RPA3: variants seen among roughly 807,000 people sequenced by gnomAD.
RPA3 encodes the protein replication protein A3.
In RPA3, 24 loss-of-function variants were observed where a neutral mutation model predicts 13.7. The ratio of observed to expected loss-of-function variants is 1.75; its 90% CI spans 1.27 to 2.46. The LOEUF (loss-of-function observed/expected upper bound fraction) is 2.46. Ranked by LOEUF, RPA3 falls within the 30% of genes most tolerant of loss-of-function variation. RPA3 has a pLI of 0.00. For synonymous variants in RPA3, 59 were observed against 51.2 expected, an observed-to-expected ratio of 1.15 and a Z score of -0.65; for missense variants, 183 against 151.0, an observed-to-expected ratio of 1.21 and a Z score of -1.11.
intron 1 of RPA3, among the ~76,000 whole-genome samples, chr7:7,715,906 T>C (rs560689875): frequency 6.6e-6 from 1 of 152,320 alleles, no homozygotes; most frequent in African/African-American, 2.4e-5. Context: ...TTACTAAACT[T>C]TGGTGAAAAC....
chr7:7,642,778 C>T (rs1484598168), intron 4 of RPA3, among the ~76,000 whole-genome samples: 2 of 152,114 alleles, frequency 1.3e-5, no homozygotes, highest in Non-Finnish European at 2.9e-5. Context: ...TACCAGTTTG[C>T]ACTTCCCCAA....
At chr7:7,646,720 T>C (rs1389391376) in intron 4 of RPA3, among the ~76,000 whole-genome samples, 2 of 151,764 alleles carry the variant, frequency 1.3e-5, no homozygotes, top group African/African-American at 4.8e-5. Context: ...TCCCTTGGAG[T>C]TCGGCTGTCC....
intron 4 of RPA3, among the ~76,000 whole-genome samples, chr7:7,653,001 G>T (rs1785258189): frequency 6.6e-6 from 1 of 152,222 alleles, no homozygotes; most frequent in East Asian, 1.9e-4. Flanking sequence ...TTGCTCCCCA[G>T]TGCTCTAGAG....
intron 2 of RPA3, among the ~76,000 whole-genome samples, chr7:7,700,730 A>G (rs1401169149): frequency 6.6e-6 from 1 of 152,192 alleles, no homozygotes; most frequent in South Asian, 2.1e-4. Context: ...TCTACTAAAA[A>G]TATAAAAATT....
At chr7:7,679,654 A>T (rs1243067365) in intron 4 of RPA3, among the ~76,000 whole-genome samples, 1 of 109,216 alleles carries the variant, frequency 9.2e-6, no homozygotes. Context: ...AGATAAATAT[A>T]TATTTATATA....
intron 3 of RPA3, 148 bp from the exon 4 acceptor site, chr7:7,686,146 A>G (rs1563121749): frequency 6.6e-6 from 1 of 152,158 alleles, no homozygotes; most frequent in Non-Finnish European, 1.5e-5. Context: ...TGGAATAATT[A>G]TTTTTATAAG....
intron 2 of RPA3, among the ~76,000 whole-genome samples, chr7:7,696,375 T>G (rs1780318056): frequency 6.6e-6 from 1 of 151,912 alleles, no homozygotes; most frequent in African/African-American, 2.4e-5. Flanking sequence ...GTAAAAACTG[T>G]GAAATCATAT....
intron 4 of RPA3, among the ~76,000 whole-genome samples, chr7:7,652,859 G>A (rs1785254930): frequency 6.6e-6 from 1 of 152,220 alleles, no homozygotes; most frequent in Admixed American, 6.5e-5. Flanking sequence ...TTAGTTGGCA[G>A]TTTAGGGAGT....
chr7:7,673,771 C>T (rs1271763545), intron 4 of RPA3, among the ~76,000 whole-genome samples: 2 of 150,958 alleles, frequency 1.3e-5, no homozygotes, highest in Non-Finnish European at 2.9e-5. Context: ...AATTCAAGTT[C>T]TGTCTTATAA....
chr7:7,660,333 A>T (rs1212016246), intron 4 of RPA3, among the ~76,000 whole-genome samples: 1 of 152,176 alleles, frequency 6.6e-6, no homozygotes, highest in East Asian at 1.9e-4. Context: ...TGTGAATTTG[A>T]TCCTGCCATT....
chr7:7,651,390 A>G (rs1014186483), intron 4 of RPA3, among the ~76,000 whole-genome samples: 1 of 152,166 alleles, frequency 6.6e-6, no homozygotes, highest in African/African-American at 2.4e-5. Context: ...CCAAAAGGCA[A>G]CATTTGGGTA....
In RPA3 at chr7:7,646,515, G is replaced by T. The variant is rs184873257; in HGVS notation, c.-757-5340C>A. Among the ~76,000 whole-genome samples, 736 of 123,918 alleles carry T rather than the reference G, an allele frequency of 5.9e-3. 4 individuals carry two copies. Among genetic ancestry groups the T allele is most frequent in the African/African-American group, 0.022 (688 of 31,186 alleles). 81.3% of individuals were successfully genotyped at this position (123,918 alleles called of 152,430 possible). A position where few individuals can be genotyped will look rare whatever the true frequency, so the allele number is the denominator to read the frequency against. On this transcript the variant is annotated intron_variant, in intron 4 of 7. Transcript: ENST00000223129. ...TTTTTTTTTTTTTTTTAATTCTCTC[G>T]TCTGACACCATGTAAGACGTACCTT...
chr7:7,694,467 T>C (rs1238392159), intron 2 of RPA3, among the ~76,000 whole-genome samples: 1 of 152,116 alleles, frequency 6.6e-6, no homozygotes, highest in Non-Finnish European at 1.5e-5. Context: ...AAATGCCAGA[T>C]CTTACTTATT....
chr7:7,655,163 A>G (rs901595592), intron 4 of RPA3, among the ~76,000 whole-genome samples: 3 of 152,134 alleles, frequency 2.0e-5, no homozygotes, highest in African/African-American at 7.2e-5. Context: ...GAGATTATCA[A>G]ATGATGCCTC....
intron 4 of RPA3, among the ~76,000 whole-genome samples, chr7:7,654,706 C>A (rs112556242): frequency 0.028 from 4,227 of 152,098 alleles, 190 homozygotes; most frequent in African/African-American, 0.096. Context: ...AGTTCGAGAC[C>A]AGCCTGGCCA....
chr7:7,697,360 T>C (rs1780346464), intron 2 of RPA3, among the ~76,000 whole-genome samples: 1 of 152,264 alleles, frequency 6.6e-6, no homozygotes, highest in Non-Finnish European at 1.5e-5. Flanking sequence ...CAGCATTTAA[T>C]TTGTTTTCTT....
At position 7,637,065 on chromosome 7, in the gene RPA3, C is replaced by T. The variant is rs374652446; in HGVS notation, c.301G>A (p.Glu101Lys). ...SHPFDLGLYN[E>K]AVKIIHDFPQ... is the part of the protein sequence containing the mutation. ...AAGTCATGGATAATTTTCACAGCTT[C>T]ATTGTAAAGTCCAAGATCTGAAAGA... The change falls in exon 8 of 8, where the codon GAA becomes AAA. Residue 101 changes from glutamate (E) to lysine (K), a missense_variant. Coordinates refer to ENST00000223129, the MANE Select transcript of RPA3 (RefSeq NM_002947.5). 1.2e-5 allele frequency: 20 copies of T among 1,610,882 alleles called. No homozygotes were observed. The African/African-American group carries it at 1.7e-4, about 14-fold the overall frequency.
In RPA3 at chr7:7,654,184, A is replaced by T. The variant is rs576780823; in HGVS notation, c.-757-13009T>A. Among the ~76,000 whole-genome samples the T allele has an allele frequency of 2.5e-3, 375 of 152,296 alleles. 2 individuals carry two copies. Among genetic ancestry groups the T allele is most frequent in the East Asian group, 1.2e-3 (6 of 5,186 alleles). On this transcript the variant is annotated intron_variant, in intron 4 of 7. Transcript: ENST00000223129. ...CAGATCCTTAAATCCATCAACAACA[A>T]AACCAAAACCTTCCCTGACTATTCT...
chr7:7,669,950 A>T (rs1361043738), intron 4 of RPA3, among the ~76,000 whole-genome samples: 1 of 152,164 alleles, frequency 6.6e-6, no homozygotes, highest in African/African-American at 2.4e-5. Flanking sequence ...TTGGGATATT[A>T]TAATGTTCTG....
Sources: allele counts gnomAD v4.1 joint callset (sites outside exome capture counted in the v4.1 genomes callset), GRCh38; gene constraint gnomAD v4.1.1; transcripts MANE v1.5; gene names NCBI Gene and HGNC (gene_info 2026-07-23, HGNC 2026-07-21).